Variants in DLG2 observed in about 807,000 individuals in gnomAD.
DLG2 encodes the protein discs large MAGUK scaffold protein 2, also known as disks large homolog 2.
A neutral mutation model predicts 132.5 loss-of-function variants in DLG2; 45 were observed. That is an observed-to-expected ratio of 0.34 (90% confidence interval 0.27 to 0.44). The LOEUF (loss-of-function observed/expected upper bound fraction) is 0.44, where lower values mean the gene tolerates loss of function less well. DLG2 is among the 20% of genes least tolerant of loss of function. DLG2 has a pLI of 1.00. For synonymous variants in DLG2, 424 were observed against 419.6 expected, an observed-to-expected ratio of 1.01 and a Z score of -0.13; for missense variants, 1,045 against 1,196.9, an observed-to-expected ratio of 0.87 and a Z score of 1.87.
intron 4 of DLG2, among the ~76,000 whole-genome samples, chr11:85,270,768 T>C (rs1194375134): frequency 1.3e-5 from 2 of 152,214 alleles, no homozygotes; most frequent in Admixed American, 6.5e-5. Context: ...CATTTTCCTC[T>C]GCCCTAGAAA....
chr11:83,866,309 G>A (rs2062365076), intron 16 of DLG2, among the ~76,000 whole-genome samples: 1 of 152,112 alleles, frequency 6.6e-6, no homozygotes, highest in Admixed American at 6.6e-5. Flanking sequence ...GGTTGGTGCT[G>A]GGGCTACAGT....
rs59301159 is a variant in DLG2, at chr11:84,784,143, C to CAAAAAAAAAAAAAA, written c.358-249426_358-249413dup. Among the ~76,000 whole-genome samples the CAAAAAAAAAAAAAA allele has an allele frequency of 8.1e-4, 7 of 8,656 alleles. 2 individuals are homozygous for CAAAAAAAAAAAAAA. Among genetic ancestry groups the CAAAAAAAAAAAAAA allele is most frequent in the Non-Finnish European group, 9.6e-4 (5 of 5,216 alleles). The allele number at this position is 8,656 out of a possible 152,430, so 5.7% of individuals were successfully genotyped here. The stretch of plus-strand genomic sequence containing the variant: ...TGAAACCCCATCTCTACTAAAAATG[C>CAAAAAAAAAAAAAA]AAAAAAAAAAAAAAAAAAAAAAAAA... On this transcript the variant is annotated intron_variant, in intron 6 of 27. Coordinates refer to ENST00000376104, the MANE Select transcript of DLG2 (RefSeq NM_001142699.3).
At chr11:84,319,081 CTT>C (rs2098387524) in intron 7 of DLG2, among the ~76,000 whole-genome samples, 1 of 152,088 alleles carries the variant, frequency 6.6e-6, no homozygotes, top group African/African-American at 2.4e-5. Flanking sequence ...ATATATGAAA[CTT>C]GAACTGTTGG....
At chr11:83,873,957 T>C (rs1487725687) in intron 16 of DLG2, among the ~76,000 whole-genome samples, 2 of 152,230 alleles carry the variant, frequency 1.3e-5, no homozygotes, top group East Asian at 1.9e-4. Flanking sequence ...TTTGTATTTC[T>C]ATCATTTGTA....
chr11:84,976,147 C>T (rs2054872405), intron 6 of DLG2, among the ~76,000 whole-genome samples: 1 of 152,108 alleles, frequency 6.6e-6, no homozygotes, highest in South Asian at 2.1e-4. Flanking sequence ...TGTCTTATGA[C>T]TCCTTTCTAC....
At chr11:84,533,307 G>C (rs980114176) in intron 7 of DLG2, among the ~76,000 whole-genome samples, 6 of 152,170 alleles carry the variant, frequency 3.9e-5, no homozygotes, top group Non-Finnish European at 8.8e-5. Flanking sequence ...GGTAAAAAAG[G>C]TTTAGTCCCA....
intron 6 of DLG2, chr11:84,936,605 A>T (rs999886773): frequency 1.3e-5 from 2 of 152,140 alleles, no homozygotes; most frequent in African/African-American, 4.8e-5. Flanking sequence ...CATGTACAAT[A>T]AAAAAATCTA....
intron 7 of DLG2, among the ~76,000 whole-genome samples, chr11:84,323,720 CTTTTTTTTTTT>C (rs35283044): frequency 1.6e-5 from 2 of 123,788 alleles, no homozygotes; most frequent in Admixed American, 1.7e-4. Context: ...TTCTTTTTTC[CTTTTTTTTTTT>C]TTTTTTTTTG....
At chr11:85,077,452 C>A (rs2066692449) in intron 6 of DLG2, among the ~76,000 whole-genome samples, 1 of 151,822 alleles carries the variant, frequency 6.6e-6, no homozygotes, top group African/African-American at 2.4e-5. Context: ...ATAAAATTTC[C>A]AAGTGCCTGC....
intron 15 of DLG2, among the ~76,000 whole-genome samples, chr11:83,901,925 T>A (rs765262773): frequency 6.6e-6 from 1 of 152,196 alleles, no homozygotes; most frequent in Non-Finnish European, 1.5e-5. Flanking sequence ...GTATGTAGTA[T>A]ATATTATGGA....
chr11:85,205,418 T>C (rs546279822), intron 4 of DLG2, among the ~76,000 whole-genome samples: 2 of 151,976 alleles, frequency 1.3e-5, no homozygotes, highest in South Asian at 4.2e-4. Flanking sequence ...GAGAAGCTGG[T>C]AAATAGGTAC....
At chr11:84,773,043 G>A (rs1597772711) in intron 6 of DLG2, among the ~76,000 whole-genome samples, 1 of 152,048 alleles carries the variant, frequency 6.6e-6, no homozygotes, top group East Asian at 1.9e-4. Flanking sequence ...TAAACCACTA[G>A]CTAGAATAAA....
chr11:85,111,714 C>A lies in DLG2; in HGVS notation c.304G>T (p.Ala102Ser), dbSNP rs144805693. 4.5e-6 allele frequency: 7 copies of A among 1,560,408 alleles called. No homozygotes were observed. In the African/African-American group the frequency reaches 9.6e-5, roughly 21 times the overall value. ...TTTQNQGRCP[A>S]QNCSVEAPAW... ...GGGGCTTCCACTGAACAATTCTGGG[C>A]TGGGCATCTGCCTTGGTTTTGCTGC... is the stretch of plus-strand genomic sequence containing the variant. The change falls in exon 6 of 28, where the codon GCC (alanine) becomes TCC (serine). Residue 102 changes from alanine (A) to serine (S), a missense_variant. This residue lies in a region of DLG2 where 277 missense variants were observed against 238.2 expected (regional missense o/e 1.16). Transcript: ENST00000376104.
intron 3 of DLG2, among the ~76,000 whole-genome samples, chr11:85,424,134 C>G (rs1001240175): frequency 1.3e-5 from 2 of 152,210 alleles, no homozygotes; most frequent in African/African-American, 4.8e-5. Flanking sequence ...TCTACACTGA[C>G]TCAGCTCCAG....
At chr11:84,985,500 G>C (rs553896509) in intron 6 of DLG2, among the ~76,000 whole-genome samples, 24 of 152,098 alleles carry the variant, frequency 1.6e-4, no homozygotes, top group Admixed American at 6.5e-4. Flanking sequence ...AAAATTCATA[G>C]CCCTAAACGA....
At chr11:85,251,095 T>A (rs1315952957) in intron 4 of DLG2, among the ~76,000 whole-genome samples, 4 of 152,130 alleles carry the variant, frequency 2.6e-5, no homozygotes, top group African/African-American at 9.7e-5. Context: ...TAAAAATTGT[T>A]TCCAGGTACA....
At chr11:83,670,551 T>C (rs2076662811) in intron 18 of DLG2, among the ~76,000 whole-genome samples, 1 of 152,002 alleles carries the variant, frequency 6.6e-6, no homozygotes, top group African/African-American at 2.4e-5. Flanking sequence ...CACATATTCA[T>C]GAAATTTTAA....
At chr11:84,051,533 CAA>C (rs1330526736) in intron 11 of DLG2, among the ~76,000 whole-genome samples, 1 of 147,602 alleles carries the variant, frequency 6.8e-6, no homozygotes, top group Admixed American at 7.0e-5. Flanking sequence ...GACAAAATAC[CAA>C]ACACTGCATG....
At chr11:85,070,088 G>A (rs1217322551) in intron 6 of DLG2, among the ~76,000 whole-genome samples, 1 of 151,866 alleles carries the variant, frequency 6.6e-6, no homozygotes, top group Non-Finnish European at 1.5e-5. Context: ...TCACTCATAG[G>A]TGGGAATTGA....
Sources: gnomAD v4.1 joint callset for allele counts (sites outside exome capture counted in the v4.1 genomes callset) on GRCh38, gnomAD v4.1.1 for gene constraint, gnomAD v4.1.1 regional missense constraint, MANE v1.5 for transcripts, NCBI Gene and HGNC (gene_info 2026-07-23, HGNC 2026-07-21) for gene names.